Variants in PEX14 observed in about 807,000 individuals in gnomAD.
PEX14 encodes peroxisomal biogenesis factor 14, also known as peroxisomal membrane protein PEX14.
Under a neutral mutation model 49.5 loss-of-function variants are expected in PEX14, and 15 were observed. The ratio of observed to expected loss-of-function variants is 0.30; its 90% confidence interval spans 0.20 to 0.47. The LOEUF (loss-of-function observed/expected upper bound fraction) is 0.47. PEX14 is among the 20% of genes least tolerant of loss of function. The pLI, the probability that PEX14 is intolerant of heterozygous loss-of-function variation, is 1.00. For missense variants in PEX14, 398 were observed against 494.8 expected, an observed-to-expected ratio of 0.80 and a Z score of 1.86; for synonymous variants, 210 against 212.7, an observed-to-expected ratio of 0.99 and a Z score of 0.11.
chr1:10,559,941 C>A (rs980393363), intron 3 of PEX14, among the ~76,000 whole-genome samples: 1 of 152,158 alleles, frequency 6.6e-6, no homozygotes, highest in Admixed American at 6.5e-5. Context: ...TGATAAGATT[C>A]CAGTTCTGCT....
chr1:10,617,811 G>A (rs1318877870), intron 4 of PEX14, among the ~76,000 whole-genome samples: 3 of 152,156 alleles, frequency 2.0e-5, no homozygotes, highest in Admixed American at 1.3e-4. Flanking sequence ...AGCAGGGCTG[G>A]GAGGTCTAGT....
chr1:10,537,341 A>AACCCCCCCCCC (rs1553187430), intron 3 of PEX14, among the ~76,000 whole-genome samples: 6 of 28,430 alleles, frequency 2.1e-4, no homozygotes, highest in African/African-American at 4.2e-4. Context: ...TTGTGCCAGC[A>AACCCCCCCCCC]CCCCCCCCCC....
rs140209841 is a variant in PEX14, at chr1:10,613,357, C to T, written c.299-4975C>T. 6.6e-6 allele frequency among the ~76,000 whole-genome samples: 1 copy of T among 152,338 alleles called. No individual in the cohort carries two copies. Among genetic ancestry groups the T allele is most frequent in the Non-Finnish European group, 1.5e-5 (1 of 68,036 alleles). ...CCGCTCTACCATGGTTTTACCCAAA[C>T]TGGAGCCTTTGCGCAGGCTGACCTC... On this transcript the variant is annotated intron_variant, in intron 4 of 8. Coordinates refer to ENST00000356607, the MANE Select transcript of PEX14 (RefSeq NM_004565.3). The surrounding 1 kb of genome is among the most constrained non-coding windows in gnomAD (Gnocchi z 5.0).
At chr1:10,535,493 T>C (rs762577971) in intron 2 of PEX14, among the ~76,000 whole-genome samples, 12 of 152,222 alleles carry the variant, frequency 7.9e-5, no homozygotes, top group Non-Finnish European at 7.3e-5. Flanking sequence ...CCAGAGTGAA[T>C]GGCAGTGGGT....
In PEX14 at chr1:10,630,169, C is replaced by T; in HGVS notation, c.*182C>T. 2 of 979,998 alleles carry T rather than the reference C, an allele frequency of 2.0e-6. No individual in the cohort carries two copies. Among genetic ancestry groups the T allele is most frequent in the East Asian group, 2.7e-5 (1 of 37,634 alleles). 60.7% of individuals were successfully genotyped at this position (979,998 alleles called of 1,614,324 possible). ...AGTCACACTTCTGTCCACCTGGCCT[C>T]CTCTCGCCTGGCCGCCAGCCCCAGC... On this transcript the variant is annotated 3_prime_UTR_variant, in exon 9 of 9. Transcript: ENST00000356607. The surrounding 1 kb of genome is among the most constrained non-coding windows in gnomAD (Gnocchi z 4.1).
chr1:10,509,005 C>T (rs956938170), intron 2 of PEX14, among the ~76,000 whole-genome samples: 13 of 151,710 alleles, frequency 8.6e-5, no homozygotes, highest in Middle Eastern at 3.4e-3. Context: ...GGTGCGATCT[C>T]GGCTCACTGC....
chr1:10,578,112 T>C (rs1640205619), intron 3 of PEX14, among the ~76,000 whole-genome samples: 1 of 152,090 alleles, frequency 6.6e-6, no homozygotes, highest in African/African-American at 2.4e-5. Flanking sequence ...ATGGCAATCA[T>C]AGAAAGGAGA....
At chr1:10,486,976 T>C (rs562605045) in intron 1 of PEX14, among the ~76,000 whole-genome samples, 29 of 152,116 alleles carry the variant, frequency 1.9e-4, no homozygotes, top group Admixed American at 9.8e-4. Flanking sequence ...CGTGAGCCAT[T>C]GCACCCAGCC....
At chr1:10,533,440 G>T in intron 2 of PEX14, among the ~76,000 whole-genome samples, 1 of 152,082 alleles carries the variant, frequency 6.6e-6, no homozygotes, top group East Asian at 1.9e-4. Context: ...TCAAATTCCC[G>T]TTAAAATAAA....
chr1:10,503,281 CAAAAAAAAAAAAAAAAAA>C (rs59342388), intron 2 of PEX14, among the ~76,000 whole-genome samples: 1 of 75,490 alleles, frequency 1.3e-5, no homozygotes, highest in Non-Finnish European at 2.3e-5. Flanking sequence ...GACTCTGTCT[CAAAAAAAAAAAAAAAAAA>C]AAAAAAAGAA....
intron 3 of PEX14, among the ~76,000 whole-genome samples, chr1:10,568,644 CA>C: frequency 6.6e-6 from 1 of 152,208 alleles, no homozygotes; most frequent in Middle Eastern, 3.4e-3. Flanking sequence ...TTCAAGCCCT[CA>C]GAGATGATGA....
At chr1:10,619,875 G>A (rs1641539937) in intron 5 of PEX14, among the ~76,000 whole-genome samples, 1 of 152,126 alleles carries the variant, frequency 6.6e-6, no homozygotes, top group Non-Finnish European at 1.5e-5. Flanking sequence ...GGAGGCTGAG[G>A]CTGAGGATCC....
intron 2 of PEX14, among the ~76,000 whole-genome samples, chr1:10,530,746 C>T (rs1333295945): frequency 6.6e-6 from 1 of 152,228 alleles, no homozygotes; most frequent in African/African-American, 2.4e-5. Context: ...CTTTCTTTCT[C>T]CCTTTGAGGT....
chr1:10,536,321 A>T, intron 3 of PEX14, 24 bp downstream of exon 3: 2 of 1,423,176 alleles, frequency 1.4e-6, no homozygotes, highest in South Asian at 1.1e-5. Context: ...AGGGCTGTGC[A>T]GCACGGCCTA....
chr1:10,493,205 G>A (rs1346747667), intron 1 of PEX14, among the ~76,000 whole-genome samples: 2 of 152,178 alleles, frequency 1.3e-5, no homozygotes, highest in African/African-American at 4.8e-5. Flanking sequence ...GCAAGGAGAA[G>A]CCCTTAAATT....
intron 4 of PEX14, among the ~76,000 whole-genome samples, chr1:10,601,269 A>G: frequency 6.6e-6 from 1 of 151,762 alleles, no homozygotes. Flanking sequence ...TCTCAAAAAA[A>G]AAAAAAAAAA....
chr1:10,496,347 GCCT>G (rs1641560449), intron 2 of PEX14, among the ~76,000 whole-genome samples: 1 of 152,120 alleles, frequency 6.6e-6, no homozygotes. Flanking sequence ...TCCCACGGTG[GCCT>G]CGTTTCACTC....
In PEX14 at chr1:10,630,045, A is replaced by C; in HGVS notation, c.*58A>C. ...GCATCTAGTGTGCCCGTGCGTGGCC[A>C]TACCCTGCCTCCCTCTCTGGCCCTG... On this transcript the variant is annotated 3_prime_UTR_variant, in exon 9 of 9. Coordinates refer to ENST00000356607, the MANE Select transcript of PEX14 (RefSeq NM_004565.3). The surrounding 1 kb of genome is among the most constrained non-coding windows in gnomAD (Gnocchi z 4.1). 1 of 1,594,430 alleles carries C rather than the reference A, an allele frequency of 6.3e-7. No homozygotes were observed. The highest frequency in any genetic ancestry group is 1.1e-5 in the South Asian group (1 of 90,586).
chr1:10,618,245 C>A, intron 4 of PEX14, 87 bp from the exon 5 acceptor site: 1 of 951,390 alleles, frequency 1.1e-6, no homozygotes, highest in Non-Finnish European at 1.7e-6. Flanking sequence ...GGCGAGGAGA[C>A]TGTGCCACTG....
Sources: gnomAD v4.1 joint callset for allele counts (sites outside exome capture counted in the v4.1 genomes callset) on GRCh38, gnomAD v4.1.1 for gene constraint, Gnocchi (gnomAD v3.1) non-coding constraint, MANE v1.5 for transcripts, NCBI Gene and HGNC (gene_info 2026-07-23, HGNC 2026-07-21) for gene names.